The following ERLEC1 variants were observed in gnomAD, a reference collection of about 807,000 sequenced individuals.
ERLEC1 encodes ER lectin.
A neutral mutation model predicts 68.0 loss-of-function variants in ERLEC1; 47 were observed. The observed-to-expected ratio is 0.69, with a 90% confidence interval of 0.55 to 0.88. The LOEUF is 0.88. Ranked by LOEUF, ERLEC1 falls within the 40% of genes least tolerant of loss-of-function variation. The pLI is 0.00. For missense variants in ERLEC1, 567 were observed against 583.8 expected (o/e 0.97, Z 0.30); for synonymous variants, 225 against 203.2 (o/e 1.11, Z -0.91).
At chr2:53,799,316 T>C (rs1675884967) in intron 6 of ERLEC1, among the ~76,000 whole-genome samples, 1 of 152,204 alleles carries the variant, frequency 6.6e-6, no homozygotes, top group South Asian at 2.1e-4. Context: ...CACTGATGTA[T>C]CTGGGGAAGA....
chr2:53,815,004 T>TTG, intron 13 of ERLEC1, 69 bp downstream of exon 13: 2 of 965,052 alleles, frequency 2.1e-6, no homozygotes, highest in East Asian at 5.5e-5. Flanking sequence ...TCTTTTTTTT[T>TTG]TTTTTTTTTT....
intron 6 of ERLEC1, among the ~76,000 whole-genome samples, chr2:53,800,264 G>A (rs944320718): frequency 1.7e-4 from 26 of 151,996 alleles, no homozygotes; most frequent in African/African-American, 5.1e-4. Flanking sequence ...TTCTGCTACC[G>A]CAATGCCAAT....
chr2:53,810,377 A>G (rs571244991), intron 10 of ERLEC1, among the ~76,000 whole-genome samples: 1 of 152,256 alleles, frequency 6.6e-6, no homozygotes, highest in African/African-American at 2.4e-5. Context: ...TTAAGATTAT[A>G]CTTTTTGAGT....
intron 1 of ERLEC1, among the ~76,000 whole-genome samples, chr2:53,789,288 G>T (rs1186366478): frequency 6.6e-6 from 1 of 151,550 alleles, no homozygotes; most frequent in Non-Finnish European, 1.5e-5. Context: ...CAGCTACTTG[G>T]GAGGCCGAGG....
intron 1 of ERLEC1, among the ~76,000 whole-genome samples, chr2:53,789,906 C>T (rs1675292837): frequency 6.6e-6 from 1 of 151,156 alleles, no homozygotes; most frequent in Non-Finnish European, 1.5e-5. Flanking sequence ...GTAGTTCCAG[C>T]TACTTGGGAG....
rs1676002544 is a variant in ERLEC1, at chr2:53,801,504, G to A, written c.633G>A (p.Val211=). The part of the protein sequence containing the change: ...LKQNRPRSST[V]MYICHPESKH... ...AGAACCGGCCCAGATCAAGTACTGT[G>A]ATGTACATATGTCATCCTGAATCTA... The change falls in exon 7 of 14, where the codon GTG becomes GTA. Residue 211 remains valine, a synonymous_variant. Transcript: ENST00000185150. The A allele has an allele frequency of 1.2e-6, 2 of 1,614,036 alleles. No individual in the cohort carries two copies. Among genetic ancestry groups the A allele is most frequent in the South Asian group, 2.2e-5 (2 of 91,078 alleles).
intron 8 of ERLEC1, among the ~76,000 whole-genome samples, chr2:53,807,136 T>C (rs1676337555): frequency 6.6e-6 from 1 of 152,226 alleles, no homozygotes; most frequent in Non-Finnish European, 1.5e-5. Flanking sequence ...TCTCAGCATT[T>C]AGTTTTCTAC....
Position 53,813,124 on chromosome 2 carries a change from A to G in ERLEC1, c.1226+51A>G, listed in dbSNP as rs766215605. 3 of 1,572,680 alleles carry G rather than the reference A, an allele frequency of 1.9e-6. No homozygotes were observed. In the South Asian group the frequency reaches 3.6e-5, roughly 19 times the overall value. On this transcript the variant is annotated intron_variant, in intron 11 of 13. Coordinates refer to ENST00000185150, the MANE Select transcript of ERLEC1 (RefSeq NM_015701.5). ...GGAGCTAATTACTACAATTTCTAAA[A>G]CTCAAAATATTGAAAAACATAAAAA...
chr2:53,802,549 C>CCA (rs2104307036), intron 8 of ERLEC1, among the ~76,000 whole-genome samples: 1 of 152,270 alleles, frequency 6.6e-6, no homozygotes, highest in Admixed American at 6.5e-5. Flanking sequence ...CTAATTCTTC[C>CCA]CACACAGCTG....
In ERLEC1 at chr2:53,808,413, G is replaced by T; in HGVS notation, c.994G>T (p.Asp332Tyr). 2 of 1,614,140 alleles carry T rather than the reference G, an allele frequency of 1.2e-6. No homozygotes were observed. The highest frequency in any genetic ancestry group is 2.2e-5 in the South Asian group (2 of 91,056). The change falls in exon 9 of 14, where the codon GAC (aspartate) becomes TAC (tyrosine). Residue 332 changes from aspartate to tyrosine, a missense_variant. Physicochemically the swap from Asp to Tyr is radical, Grantham distance 160. Transcript: ENST00000185150. ...GTTHISKLTD[D>Y]QLIKEFLSGS... ...AACCCACATATCCAAATTGACAGAT[G>T]ACCAACTCATAAAAGAGTTTCTTAG...
At position 53,787,120 on chromosome 2, in the gene ERLEC1, C is replaced by A. The variant is rs1055446101; in HGVS notation, c.-91C>A. ...GGTGATACCCGGGCGCTTTATAGTC[C>A]CGCCGCCTCCTCCTCCACCTCCTCC... On this transcript the variant is annotated 5_prime_UTR_variant, in exon 1 of 14. Transcript: ENST00000185150. The A allele has an allele frequency of 1.0e-5, 14 of 1,362,100 alleles. No individual in the cohort carries two copies. The African/African-American group carries it at 1.9e-4, about 19-fold the overall frequency. The allele number at this position is 1,362,100 out of a possible 1,614,324, so 84.4% of individuals were successfully genotyped here. A position where few individuals can be genotyped will look rare whatever the true frequency, so the allele number is the denominator to read the frequency against.
At chr2:53,808,206 T>A in intron 8 of ERLEC1, 93 bp from the exon 9 acceptor site, 3 of 1,361,764 alleles carry the variant, frequency 2.2e-6, no homozygotes, top group Non-Finnish European at 3.0e-6. Context: ...TTTTTCAAAT[T>A]TTCTGCAGTT....
At chr2:53,807,233 A>G (rs1162346755) in intron 8 of ERLEC1, among the ~76,000 whole-genome samples, 1 of 152,184 alleles carries the variant, frequency 6.6e-6, no homozygotes, top group East Asian at 1.9e-4. Context: ...ATATGCATAT[A>G]TACACACATA....
intron 9 of ERLEC1, among the ~76,000 whole-genome samples, chr2:53,808,895 C>A (rs970402503): frequency 6.6e-6 from 1 of 152,198 alleles, no homozygotes; most frequent in Non-Finnish European, 1.5e-5. Flanking sequence ...TCCCAAAGTG[C>A]TGGGATTACA....
At chr2:53,789,097 C>CA (rs547655574) in intron 1 of ERLEC1, among the ~76,000 whole-genome samples, 42 of 148,022 alleles carry the variant, frequency 2.8e-4, no homozygotes, top group Middle Eastern at 3.4e-3. Context: ...AATTTTATTT[C>CA]AAAAAAAAAA....
Position 53,797,651 on chromosome 2 carries a change from AGATT to A in ERLEC1, c.426+63_426+66del, listed in dbSNP as rs570758681. The A allele has an allele frequency of 7.6e-5, 118 of 1,556,792 alleles. No individual in the cohort carries two copies. The African/African-American group carries it at 1.4e-3, about 18-fold the overall frequency. On this transcript the variant is annotated intron_variant, in intron 4 of 13. Coordinates refer to ENST00000185150, the MANE Select transcript of ERLEC1 (RefSeq NM_015701.5). ...TTATAAGATGAGAACTTTAATAATGAGATTGATAGTTTTAAAGTTGTATCCTTAA... is the reference window on the plus strand; with the variant it reads ...TTATAAGATGAGAACTTTAATAATGAGATAGTTTTAAAGTTGTATCCTTAA...
At chr2:53,788,565 T>A (rs977559726) in intron 1 of ERLEC1, 8 of 148,132 alleles carry the variant, frequency 5.4e-5, no homozygotes, top group African/African-American at 2.0e-4. Context: ...CCTGGCTAAT[T>A]TTTTTTTTTT....
At chr2:53,797,830 G>T in intron 5 of ERLEC1, 35 bp downstream of exon 5, 1 of 1,548,528 alleles carries the variant, frequency 6.5e-7, no homozygotes, top group Non-Finnish European at 8.8e-7. Flanking sequence ...CAGTAATGCT[G>T]GAATTTGGTT....
rs1353714205 is a variant in ERLEC1, at chr2:53,808,434, C to T, written c.1015C>T (p.Leu339Phe). 1 of 1,613,750 alleles carries T rather than the reference C, an allele frequency of 6.2e-7. No homozygotes were observed. The change falls in exon 9 of 14, where the codon CTT becomes TTT. Residue 339 changes from leucine to phenylalanine, a missense_variant. By Grantham distance (22) the Leu-to-Phe change is conservative. Coordinates refer to ENST00000185150, the MANE Select transcript of ERLEC1 (RefSeq NM_015701.5). Reference protein sequence around the residue: ...LTDDQLIKEFLSGSYCFRGGV... With the variant: ...LTDDQLIKEFFSGSYCFRGGV... Reference sequence around the variant, plus strand: ...AGATGACCAACTCATAAAAGAGTTTCTTAGTGGTTCTTACTGCTTTCGTGG... The same window carrying T: ...AGATGACCAACTCATAAAAGAGTTTTTTAGTGGTTCTTACTGCTTTCGTGG...
Sources: gnomAD v4.1 joint callset for allele counts (sites outside exome capture counted in the v4.1 genomes callset) on GRCh38, gnomAD v4.1.1 for gene constraint, MANE v1.5 for transcripts, NCBI Gene and HGNC (gene_info 2026-07-23, HGNC 2026-07-21) for gene names.